Variants in SLC4A7 observed in about 807,000 individuals in gnomAD.
SLC4A7 encodes solute carrier family 4 member 7.
A neutral mutation model predicts 137.6 loss-of-function variants in SLC4A7; 51 were observed. That is an observed-to-expected ratio of 0.37 (90% CI 0.30 to 0.47). The LOEUF is 0.47. Among genes scored for constraint, SLC4A7 ranks in the 20% least tolerant of loss-of-function variants. The pLI is 1.00. For synonymous variants in SLC4A7, 542 were observed against 518.6 expected, an observed-to-expected ratio of 1.05 and a Z score of -0.61; for missense variants, 1,247 against 1,525.4, an observed-to-expected ratio of 0.82 and a Z score of 3.04.
At chr3:27,379,682 T>A (rs915822204) in intron 24 of SLC4A7, among the ~76,000 whole-genome samples, 1 of 151,924 alleles carries the variant, frequency 6.6e-6, no homozygotes, top group Admixed American at 6.6e-5. Flanking sequence ...TGAAATAACA[T>A]ACGACTATGT....
chr3:27,397,793 C>G lies in SLC4A7; in HGVS notation c.2594G>C (p.Arg865Pro), dbSNP rs2052344150. ...TACAGCAAAATCACTGATTGTCGAT[C>G]GCACCTATGTTAAAGGGATTATGTT... Reference protein sequence around the residue: ...KTKRYFPTKVRSTISDFAVFL... With the variant: ...KTKRYFPTKVPSTISDFAVFL... Residue 865 changes from arginine to proline, a missense_variant, in exon 18 of 26, where the codon CGA (arginine) becomes CCA (proline). Coordinates refer to ENST00000454389, the MANE Select transcript of SLC4A7 (RefSeq NM_001321103.2). The G allele has an allele frequency of 6.4e-7, 1 of 1,563,434 alleles. No individual in the cohort carries two copies. Among genetic ancestry groups the G allele is most frequent in the Admixed American group, 1.7e-5 (1 of 59,062 alleles).
At position 27,383,241 on chromosome 3, in the gene SLC4A7, G is replaced by A. The variant is rs1043329669; in HGVS notation, c.3502C>T (p.Arg1168Trp). ...GTATCATCATCATCTTGAAGCATCC[G>A]TTCAGCTTCCTTTATAACACATGTG... The part of the protein sequence containing the change: ...KKKKEKEEAE[R>W]MLQDDDDTVH... Residue 1168 changes from arginine (R) to tryptophan (W), a missense_variant, in exon 24 of 26, where the codon CGG becomes TGG. This residue lies in a region of SLC4A7 where 290 missense variants were observed against 323.8 expected (regional missense o/e 0.90). Coordinates refer to ENST00000454389, the MANE Select transcript of SLC4A7 (RefSeq NM_001321103.2). The A allele has an allele frequency of 5.6e-6, 9 of 1,606,714 alleles. No individual in the cohort carries two copies. Among genetic ancestry groups the A allele is most frequent in the African/African-American group, 2.7e-5 (2 of 74,770 alleles).
At chr3:27,450,575 G>T (rs1008429404) in intron 2 of SLC4A7, among the ~76,000 whole-genome samples, 1 of 152,054 alleles carries the variant, frequency 6.6e-6, no homozygotes, top group African/African-American at 2.4e-5. Context: ...TTACAAAGTT[G>T]TTCCTCCAAT....
intron 9 of SLC4A7, 123 bp from the exon 10 acceptor site, chr3:27,420,910 C>G (rs1427856733): frequency 1.1e-5 from 6 of 567,250 alleles, no homozygotes; most frequent in Non-Finnish European, 1.8e-5. Context: ...CTTTTCTACT[C>G]CCCCACACCA....
At chr3:27,451,294 T>C (rs532942601) in intron 2 of SLC4A7, among the ~76,000 whole-genome samples, 37 of 152,236 alleles carry the variant, frequency 2.4e-4, no homozygotes, top group African/African-American at 8.4e-4. Flanking sequence ...AGAGTTTAAC[T>C]TAAGGATGTA....
chr3:27,413,063 C>G (rs1411382804), intron 11 of SLC4A7, among the ~76,000 whole-genome samples: 4 of 152,014 alleles, frequency 2.6e-5, no homozygotes, highest in African/African-American at 4.8e-5. Flanking sequence ...ATACAATAGA[C>G]CTTCAGCTAA....
intron 1 of SLC4A7, among the ~76,000 whole-genome samples, chr3:27,461,221 C>G (rs1487025550): frequency 6.6e-6 from 1 of 151,534 alleles, no homozygotes. Flanking sequence ...CACACACACA[C>G]ACACACACAC....
chr3:27,471,513 C>A (rs2059245368), intron 1 of SLC4A7, among the ~76,000 whole-genome samples: 1 of 152,158 alleles, frequency 6.6e-6, no homozygotes, highest in Non-Finnish European at 1.5e-5. Context: ...GCTGGGATCA[C>A]AGGCATGCAC....
At chr3:27,446,291 C>A (rs956056575) in intron 3 of SLC4A7, among the ~76,000 whole-genome samples, 6 of 151,932 alleles carry the variant, frequency 3.9e-5, no homozygotes, top group African/African-American at 1.5e-4. Context: ...GTTATTCCAT[C>A]CTGTTTAGAA....
At chr3:27,431,031 A>G (rs1269448404) in intron 7 of SLC4A7, among the ~76,000 whole-genome samples, 1 of 152,072 alleles carries the variant, frequency 6.6e-6, no homozygotes, top group Non-Finnish European at 1.5e-5. Context: ...ACTCTTTTTT[A>G]TTAGGTTGGT....
rs980882887 is a variant in SLC4A7, at chr3:27,375,659, T to G, written c.*1105A>C. The G allele has an allele frequency of 2.0e-5, 3 of 152,438 alleles. No individual in the cohort carries two copies. The highest frequency in any genetic ancestry group is 4.4e-5 in the Non-Finnish European group (3 of 67,884). The allele number at this position is 152,438 out of a possible 1,614,324, so 9.4% of individuals were successfully genotyped here. A position where few individuals can be genotyped will look rare whatever the true frequency, so the allele number is the denominator to read the frequency against. ...CCAACTATTTACATTAACAATTTAC[T>G]CTATTTGTTACTTTTCCAAATGTTT... On this transcript the variant is annotated 3_prime_UTR_variant, in exon 26 of 26. Transcript: ENST00000454389.
At chr3:27,443,109 G>A (rs2057343119) in intron 3 of SLC4A7, among the ~76,000 whole-genome samples, 1 of 134,324 alleles carries the variant, frequency 7.4e-6, no homozygotes, top group African/African-American at 2.9e-5. Flanking sequence ...TCAGCTCACT[G>A]CAACCTCTGC....
At position 27,394,882 on chromosome 3, in the gene SLC4A7, T is replaced by C. The variant is rs1192011298; in HGVS notation, c.2865+72A>G. 14 of 1,532,740 alleles carry C rather than the reference T, an allele frequency of 9.1e-6. 2 individuals are homozygous for C. The highest frequency in any genetic ancestry group is 2.6e-6 in the Non-Finnish European group (3 of 1,139,134). 94.9% of individuals were successfully genotyped at this position (1,532,740 alleles called of 1,614,324 possible). On this transcript the variant is annotated intron_variant, in intron 19 of 25. Transcript: ENST00000454389. ...CTAATTTTCATCTTACATCTTTTAATGTTCTAATCATTACAAAAACAGCTC... is the reference window on the plus strand; with the variant it reads ...CTAATTTTCATCTTACATCTTTTAACGTTCTAATCATTACAAAAACAGCTC...
chr3:27,423,735 T>C (rs143903299), intron 8 of SLC4A7: 1 of 241,256 alleles, frequency 4.1e-6, no homozygotes, highest in Non-Finnish European at 8.0e-6. Flanking sequence ...GTTCAAAAAG[T>C]ACTGACGTTT....
intron 1 of SLC4A7, among the ~76,000 whole-genome samples, chr3:27,458,038 T>C (rs1423485673): frequency 1.3e-5 from 2 of 152,162 alleles, no homozygotes; most frequent in African/African-American, 4.8e-5. Flanking sequence ...TAACAGCTAG[T>C]TGAGTTCACA....
intron 3 of SLC4A7, among the ~76,000 whole-genome samples, chr3:27,447,911 G>A (rs1178025483): frequency 6.6e-6 from 1 of 151,792 alleles, no homozygotes; most frequent in Non-Finnish European, 1.5e-5. Context: ...CAAAACTGTG[G>A]TGTAAGAAGG....
At chr3:27,379,217 C>G (rs773196675) in intron 25 of SLC4A7, 32 bp downstream of exon 25, 2 of 1,203,770 alleles carry the variant, frequency 1.7e-6, no homozygotes, top group South Asian at 2.6e-5. Flanking sequence ...AAATTGGCTA[C>G]AGTTAGAAAA....
chr3:27,393,043 T>A (rs2150094209), intron 20 of SLC4A7, among the ~76,000 whole-genome samples: 1 of 152,140 alleles, frequency 6.6e-6, no homozygotes, highest in East Asian at 1.9e-4. Context: ...AGGTCTGAGA[T>A]CTGTTTAGCT....
At position 27,475,980 on chromosome 3, in the gene SLC4A7, A is replaced by G. The variant is rs115642330; in HGVS notation, c.60+8087T>C. ...CAGATGAACAGAAAGAAATTATATT[A>G]TGTAAGTAATAATTGTAAAGAATAG... On this transcript the variant is annotated intron_variant, in intron 1 of 25. Coordinates refer to ENST00000454389, the MANE Select transcript of SLC4A7 (RefSeq NM_001321103.2). 4.7e-3 allele frequency among the ~76,000 whole-genome samples: 709 copies of G among 152,348 alleles called. 12 individuals are homozygous for G. The highest frequency in any genetic ancestry group is 0.016 in the African/African-American group (677 of 41,578).
Sources: gnomAD v4.1 joint callset for allele counts (sites outside exome capture counted in the v4.1 genomes callset) on GRCh38, gnomAD v4.1.1 for gene constraint, gnomAD v4.1.1 regional missense constraint, MANE v1.5 for transcripts, NCBI Gene and HGNC (gene_info 2026-07-23, HGNC 2026-07-21) for gene names.